The following SYT1 variants were observed in gnomAD, a reference collection of about 807,000 sequenced individuals.
The protein encoded by SYT1 is synaptotagmin-1.
A neutral mutation model predicts 44.8 loss-of-function variants in SYT1; 8 were observed. The ratio of observed to expected loss-of-function variants is 0.18; its 90% CI spans 0.10 to 0.32. SYT1 has a LOEUF of 0.32. Among genes scored for constraint, SYT1 ranks in the 10% least tolerant of loss-of-function variants. The pLI is 1.00. For synonymous variants in SYT1, 154 were observed against 188.8 expected (o/e 0.82, Z 1.51); for missense variants, 286 against 509.3 (o/e 0.56, Z 4.22).
At chr12:79,069,488 A>G (rs921044493) in intron 3 of SYT1, among the ~76,000 whole-genome samples, 2 of 151,544 alleles carry the variant, frequency 1.3e-5, no homozygotes, top group African/African-American at 4.8e-5. Context: ...TTTTTTTTCA[A>G]TTGTGTTTGG....
At chr12:79,012,599 T>C (rs75119679) in intron 2 of SYT1, among the ~76,000 whole-genome samples, 11,640 of 152,212 alleles carry the variant, frequency 0.076, 578 homozygotes, top group East Asian at 0.15. Context: ...TTCTGGGATC[T>C]ATGTGGTCAC....
chr12:78,913,303 T>A (rs545584105), intron 1 of SYT1, among the ~76,000 whole-genome samples: 3 of 151,388 alleles, frequency 2.0e-5, no homozygotes, highest in African/African-American at 7.2e-5. Context: ...AATTTTAAAC[T>A]AAGCAAAATA....
chr12:79,261,548 A>G (rs1241246449), intron 4 of SYT1, among the ~76,000 whole-genome samples: 2 of 152,236 alleles, frequency 1.3e-5, no homozygotes, highest in East Asian at 1.9e-4. Flanking sequence ...AAGGAAGCAC[A>G]GCAAGTCTCA....
intron 2 of SYT1, among the ~76,000 whole-genome samples, chr12:78,987,017 C>T (rs1869688044): frequency 1.3e-5 from 2 of 151,970 alleles, no homozygotes; most frequent in African/African-American, 2.4e-5. Flanking sequence ...GGCTCATATC[C>T]AATAAAGGGC....
intron 4 of SYT1, among the ~76,000 whole-genome samples, chr12:79,278,227 C>T (rs1036206300): frequency 6.6e-6 from 1 of 152,048 alleles, no homozygotes; most frequent in African/African-American, 2.4e-5. Flanking sequence ...CTCATCAGCA[C>T]ATAGAACATT....
At chr12:79,408,018 A>T (rs934524727) in intron 9 of SYT1, among the ~76,000 whole-genome samples, 1 of 152,146 alleles carries the variant, frequency 6.6e-6, no homozygotes, top group Admixed American at 6.6e-5. Context: ...CCTTAAATGC[A>T]TGGGGAATAT....
chr12:79,108,807 A>G (rs1177345598), intron 3 of SYT1, among the ~76,000 whole-genome samples: 1 of 152,214 alleles, frequency 6.6e-6, no homozygotes, highest in Non-Finnish European at 1.5e-5. Flanking sequence ...AGTACTGAAC[A>G]TGGTTATGGT....
intron 1 of SYT1, among the ~76,000 whole-genome samples, chr12:78,913,825 G>A (rs1876486113): frequency 6.6e-6 from 1 of 151,892 alleles, no homozygotes; most frequent in South Asian, 2.1e-4. Context: ...TGTATCACTA[G>A]TCACATACAT....
intron 3 of SYT1, among the ~76,000 whole-genome samples, chr12:79,049,170 T>C (rs1024629690): frequency 6.6e-6 from 1 of 151,926 alleles, no homozygotes; most frequent in African/African-American, 2.4e-5. Context: ...ATGTATAAGT[T>C]ATTTGATCTA....
intron 3 of SYT1, among the ~76,000 whole-genome samples, chr12:79,098,626 A>G (rs1424122096): frequency 3.9e-5 from 6 of 152,254 alleles, no homozygotes; most frequent in African/African-American, 1.4e-4. Context: ...AAAACATTTA[A>G]TGTTCTGGTT....
chr12:79,266,380 C>G (rs1399241521), intron 4 of SYT1, among the ~76,000 whole-genome samples: 1 of 150,980 alleles, frequency 6.6e-6, no homozygotes. Flanking sequence ...TGGAAGAAAT[C>G]TTTTGGGAGC....
intron 1 of SYT1, among the ~76,000 whole-genome samples, chr12:78,882,785 C>T (rs907840834): frequency 4.6e-5 from 7 of 151,762 alleles, no homozygotes; most frequent in Admixed American, 2.0e-4. Flanking sequence ...TAGAGAAGTG[C>T]TTTAAATATA....
intron 9 of SYT1, among the ~76,000 whole-genome samples, chr12:79,421,445 G>A (rs1328397419): frequency 2.0e-5 from 3 of 152,072 alleles, no homozygotes; most frequent in Non-Finnish European, 4.4e-5. Context: ...ACACCTCACT[G>A]GAGTTCAAAG....
intron 3 of SYT1, among the ~76,000 whole-genome samples, chr12:79,188,625 C>A (rs546840213): frequency 2.0e-5 from 3 of 152,082 alleles, no homozygotes; most frequent in Non-Finnish European, 2.9e-5. Flanking sequence ...TCCATTTCAC[C>A]TTTCTAGCTT....
chr12:78,959,558 G>A (rs901768547), intron 1 of SYT1, among the ~76,000 whole-genome samples: 3 of 152,050 alleles, frequency 2.0e-5, no homozygotes, highest in African/African-American at 7.2e-5. Flanking sequence ...GTAAATGAGG[G>A]GGAACTTCGC....
At chr12:79,021,117 A>C (rs778378152) in intron 2 of SYT1, among the ~76,000 whole-genome samples, 6 of 151,914 alleles carry the variant, frequency 3.9e-5, no homozygotes, top group African/African-American at 4.8e-5. Flanking sequence ...AACTGAAGCA[A>C]AGCTCCATTC....
chr12:79,448,296 AAT>A (rs1358165433), intron 10 of SYT1, among the ~76,000 whole-genome samples: 1 of 152,212 alleles, frequency 6.6e-6, no homozygotes, highest in African/African-American at 2.4e-5. Context: ...ATGAGAAAAA[AAT>A]ATCTTTATTA....
intron 1 of SYT1, among the ~76,000 whole-genome samples, chr12:78,945,768 T>C (rs909059616): frequency 6.6e-6 from 1 of 152,188 alleles, no homozygotes; most frequent in African/African-American, 2.4e-5. Flanking sequence ...GAGTAAAGAA[T>C]GGACAATTGT....
chr12:79,128,476 G>T (rs1366187703), intron 3 of SYT1, among the ~76,000 whole-genome samples: 1 of 152,148 alleles, frequency 6.6e-6, no homozygotes, highest in African/African-American at 2.4e-5. Context: ...ACAAATCTTG[G>T]AACTCCCTTC....
Sources: allele counts gnomAD v4.1 joint callset (sites outside exome capture counted in the v4.1 genomes callset), GRCh38; gene constraint gnomAD v4.1.1; transcripts MANE v1.5; gene names NCBI Gene and HGNC (gene_info 2026-07-23, HGNC 2026-07-21).